The following PDE3A variants were observed in gnomAD, a reference collection of about 807,000 sequenced individuals.
PDE3A encodes the protein phosphodiesterase 3A, also known as cGMP-inhibited 3',5'-cyclic phosphodiesterase 3A.
Under a neutral mutation model 98.3 loss-of-function variants are expected in PDE3A, and 43 were observed. The ratio of observed to expected loss-of-function variants is 0.44; its 90% CI spans 0.34 to 0.56. The LOEUF is 0.56. PDE3A is among the 20% of genes least tolerant of loss of function. The pLI is 0.01. For synonymous variants in PDE3A, 663 were observed against 567.9 expected, an observed-to-expected ratio of 1.17 and a Z score of -2.38; for missense variants, 1,427 against 1,440.7, an observed-to-expected ratio of 0.99 and a Z score of 0.15.
chr12:20,637,080 T>A lies in PDE3A; in HGVS notation c.2002-20T>A, dbSNP rs186003067. ...GAAAAACTGCATGCTGTTTAAGTAT[T>A]TTAATGTTAAACATTACAGGACAAA... On this transcript the variant is annotated intron_variant, in intron 8 of 15. Transcript: ENST00000359062. The A allele has an allele frequency of 8.4e-6, 13 of 1,547,722 alleles. No homozygotes were observed. The Admixed American group carries it at 2.4e-4, about 29-fold the overall frequency.
At chr12:20,574,830 G>A (rs1319928163) in intron 2 of PDE3A, among the ~76,000 whole-genome samples, 4 of 151,912 alleles carry the variant, frequency 2.6e-5, no homozygotes, top group Middle Eastern at 3.4e-3. Flanking sequence ...TCCCACAAAC[G>A]GCAAGATATC....
Position 20,544,677 on chromosome 12 carries a change from T to G in PDE3A, c.961-11983T>G, listed in dbSNP as rs145061207. ...TTATGATTTGCAACCAGCCAACCTA[T>G]ATTTTAATCCATATTTAACCACTGG... On this transcript the variant is annotated intron_variant, in intron 1 of 15. Coordinates refer to ENST00000359062, the MANE Select transcript of PDE3A (RefSeq NM_000921.5). Among the ~76,000 whole-genome samples, 32 of 152,048 alleles carry G rather than the reference T, an allele frequency of 2.1e-4. No homozygotes were observed. In the East Asian group the frequency reaches 5.4e-3, roughly 26 times the overall value.
intron 2 of PDE3A, among the ~76,000 whole-genome samples, chr12:20,599,125 A>G (rs1464854412): frequency 6.6e-6 from 1 of 152,120 alleles, no homozygotes; most frequent in Non-Finnish European, 1.5e-5. Flanking sequence ...CCTGCCTGAG[A>G]GTCTAGTCTG....
intron 1 of PDE3A, among the ~76,000 whole-genome samples, chr12:20,482,271 T>G (rs149012038): frequency 6.6e-6 from 1 of 151,688 alleles, no homozygotes; most frequent in African/African-American, 2.4e-5. Context: ...TGTAGAAGAA[T>G]GTTTCTAAGC....
At chr12:20,394,689 A>G (rs377019171) in intron 1 of PDE3A, among the ~76,000 whole-genome samples, 1 of 152,264 alleles carries the variant, frequency 6.6e-6, no homozygotes, top group African/African-American at 2.4e-5. Context: ...CAAATAAAAC[A>G]TGCAAGAACT....
chr12:20,649,290 A>C lies in PDE3A; in HGVS notation c.2769+399A>C, dbSNP rs1380079005. 2.6e-5 allele frequency among the ~76,000 whole-genome samples: 4 copies of C among 152,098 alleles called. No individual in the cohort carries two copies. In the East Asian group the frequency reaches 7.7e-4, roughly 29 times the overall value. On this transcript the variant is annotated intron_variant, in intron 13 of 15. Transcript: ENST00000359062. ...TATCATGGAAGCAAACTGTTGAACA[A>C]AACATGTTACTATGAACTCCCATAT...
At chr12:20,413,603 G>A (rs186445070) in intron 1 of PDE3A, among the ~76,000 whole-genome samples, 1 of 152,298 alleles carries the variant, frequency 6.6e-6, no homozygotes, top group East Asian at 1.9e-4. Context: ...CGTCAGTGCT[G>A]GGAAATTGTG....
At chr12:20,433,426 C>A (rs1375414795) in intron 1 of PDE3A, among the ~76,000 whole-genome samples, 1 of 152,078 alleles carries the variant, frequency 6.6e-6, no homozygotes, top group Non-Finnish European at 1.5e-5. Flanking sequence ...GGCACACAGG[C>A]TTGGAAATTA....
At chr12:20,547,108 C>G (rs956276253) in intron 1 of PDE3A, among the ~76,000 whole-genome samples, 1 of 152,034 alleles carries the variant, frequency 6.6e-6, no homozygotes, top group African/African-American at 2.4e-5. Flanking sequence ...GCATGCATTT[C>G]CCCCAGGTTT....
chr12:20,651,677 A>G (rs1009619861), intron 14 of PDE3A, among the ~76,000 whole-genome samples: 1 of 152,228 alleles, frequency 6.6e-6, no homozygotes, highest in East Asian at 1.9e-4. Flanking sequence ...ATTAATGGTA[A>G]TAAATTGACT....
chr12:20,507,282 G>A (rs530291480), intron 1 of PDE3A, among the ~76,000 whole-genome samples: 57 of 152,078 alleles, frequency 3.7e-4, no homozygotes, highest in South Asian at 1.2e-3. Context: ...TAGCCACAGG[G>A]AGTTTCTTAG....
intron 1 of PDE3A, among the ~76,000 whole-genome samples, chr12:20,463,748 G>C (rs1945293557): frequency 6.6e-6 from 1 of 152,090 alleles, no homozygotes; most frequent in African/African-American, 2.4e-5. Flanking sequence ...GTATGTACCT[G>C]CTGAGGAAAA....
At chr12:20,639,070 G>A (rs906098847) in intron 9 of PDE3A, among the ~76,000 whole-genome samples, 1 of 152,012 alleles carries the variant, frequency 6.6e-6, no homozygotes, top group African/African-American at 2.4e-5. Flanking sequence ...TCCAAATGAG[G>A]ATTCATACCT....
intron 1 of PDE3A, among the ~76,000 whole-genome samples, chr12:20,510,081 A>G (rs1946192495): frequency 6.6e-6 from 1 of 151,978 alleles, no homozygotes; most frequent in South Asian, 2.1e-4. Context: ...TATGGTAGAC[A>G]TTATTTCATT....
At chr12:20,648,165 G>T (rs1477124198) in intron 12 of PDE3A, among the ~76,000 whole-genome samples, 2 of 151,162 alleles carry the variant, frequency 1.3e-5, no homozygotes, top group African/African-American at 4.9e-5. Context: ...GGACATTTTG[G>T]GTATTCCATT....
At chr12:20,409,161 G>A (rs1466722592) in intron 1 of PDE3A, among the ~76,000 whole-genome samples, 1 of 152,034 alleles carries the variant, frequency 6.6e-6, no homozygotes, top group Admixed American at 6.5e-5. Context: ...TAGTTTCTTG[G>A]ACAGATGCAT....
intron 1 of PDE3A, among the ~76,000 whole-genome samples, chr12:20,433,185 G>T (rs1361832330): frequency 6.6e-6 from 1 of 152,060 alleles, no homozygotes; most frequent in Non-Finnish European, 1.5e-5. Context: ...AAGGGCAGTG[G>T]GATCACTGTA....
At chr12:20,563,700 AT>A (rs1354629276) in intron 2 of PDE3A, among the ~76,000 whole-genome samples, 1 of 151,956 alleles carries the variant, frequency 6.6e-6, no homozygotes, top group Non-Finnish European at 1.5e-5. Flanking sequence ...ATTTGTTTAA[AT>A]TTTGCTTATA....
At chr12:20,624,288 C>T (rs929934241) in intron 5 of PDE3A, among the ~76,000 whole-genome samples, 2 of 151,990 alleles carry the variant, frequency 1.3e-5, no homozygotes, top group South Asian at 2.1e-4. Context: ...CCTGTTTCTT[C>T]GGTTAAGTAA....
Sources: gnomAD v4.1 joint callset for allele counts (sites outside exome capture counted in the v4.1 genomes callset) on GRCh38, gnomAD v4.1.1 for gene constraint, MANE v1.5 for transcripts, NCBI Gene and HGNC (gene_info 2026-07-23, HGNC 2026-07-21) for gene names.